The following TTBK2 variants were observed in gnomAD, a reference collection of about 807,000 sequenced individuals.
TTBK2 encodes tau-tubulin kinase 2.
In TTBK2, 28 loss-of-function variants were observed where a neutral mutation model predicts 110.8. That is an observed-to-expected ratio of 0.25 (90% confidence interval 0.19 to 0.35). The LOEUF is 0.35. Among genes scored for constraint, TTBK2 ranks in the 10% least tolerant of loss-of-function variants. The pLI, the probability that TTBK2 is intolerant of heterozygous loss-of-function variation, is 1.00. For missense variants in TTBK2, 1,369 were observed against 1,500.3 expected, an observed-to-expected ratio of 0.91 and a Z score of 1.45; for synonymous variants, 532 against 527.3, an observed-to-expected ratio of 1.01 and a Z score of -0.12.
In TTBK2 at chr15:42,857,769, C is replaced by G. The variant is rs79811470; in HGVS notation, c.217+14842G>C. Among the ~76,000 whole-genome samples, 34 of 151,570 alleles carry G rather than the reference C, an allele frequency of 2.2e-4. No homozygotes were observed. In the East Asian group the frequency reaches 6.6e-3, roughly 29 times the overall value. ...TTTGGCAATGGATAAGTGGCAAAAA[C>G]TTTCTATGCTCTAGTAAGTACAAGT... On this transcript the variant is annotated intron_variant, in intron 3 of 14. Coordinates refer to ENST00000267890, the MANE Select transcript of TTBK2 (RefSeq NM_173500.4).
chr15:42,769,819 T>C (rs1473015747), intron 13 of TTBK2, among the ~76,000 whole-genome samples: 2 of 152,196 alleles, frequency 1.3e-5, no homozygotes, highest in Non-Finnish European at 2.9e-5. Flanking sequence ...TGTATGTTTA[T>C]TGTGGCACTA....
intron 2 of TTBK2, 23 bp from the exon 3 acceptor site, chr15:42,872,781 C>CA (rs1894664764): frequency 1.9e-6 from 3 of 1,613,502 alleles, no homozygotes; most frequent in Middle Eastern, 3.3e-4. Flanking sequence ...TAAGAACACA[C>CA]ACACTCTAAA....
chr15:42,807,946 T>C (rs1259790301), intron 9 of TTBK2, among the ~76,000 whole-genome samples: 5 of 152,210 alleles, frequency 3.3e-5, no homozygotes, highest in Non-Finnish European at 7.3e-5. Flanking sequence ...TAATTAAATT[T>C]GCCTAACATT....
intron 1 of TTBK2, among the ~76,000 whole-genome samples, chr15:42,899,421 C>T (rs1895795230): frequency 6.6e-6 from 1 of 151,674 alleles, no homozygotes; most frequent in African/African-American, 2.4e-5. Context: ...CATGGTGAAA[C>T]CCCATCTCAA....
chr15:42,904,621 C>T (rs984980865), intron 1 of TTBK2, among the ~76,000 whole-genome samples: 1 of 152,032 alleles, frequency 6.6e-6, no homozygotes, highest in Non-Finnish European at 1.5e-5. Flanking sequence ...GGAGATTCAA[C>T]TTGTAAATGT....
chr15:42,783,682 G>A (rs1175089433), intron 10 of TTBK2, 47 bp from the exon 11 acceptor site: 7 of 1,341,364 alleles, frequency 5.2e-6, no homozygotes, highest in South Asian at 2.3e-5. Context: ...AAATTACTAT[G>A]AGACTATCTT....
intron 13 of TTBK2, among the ~76,000 whole-genome samples, chr15:42,767,942 G>A (rs1180079915): frequency 6.6e-6 from 1 of 152,250 alleles, no homozygotes; most frequent in Non-Finnish European, 1.5e-5. Context: ...TCCCTGGGAT[G>A]TAATGCTGGT....
chr15:42,897,626 A>G (rs73413030), intron 1 of TTBK2, among the ~76,000 whole-genome samples: 2,965 of 152,298 alleles, frequency 0.019, 82 homozygotes, highest in African/African-American at 0.066. Flanking sequence ...TTGGAAGGAC[A>G]ATAGCAACAT....
At chr15:42,808,033 T>C (rs916359551) in intron 9 of TTBK2, among the ~76,000 whole-genome samples, 6 of 152,202 alleles carry the variant, frequency 3.9e-5, no homozygotes, top group Non-Finnish European at 2.9e-5. Flanking sequence ...ATTTAAAAGC[T>C]AGTTAGGAAA....
At chr15:42,866,996 G>A (rs1894396400) in intron 3 of TTBK2, among the ~76,000 whole-genome samples, 1 of 152,158 alleles carries the variant, frequency 6.6e-6, no homozygotes, top group East Asian at 1.9e-4. Context: ...TGTAATCCCA[G>A]CACTTTGAGA....
At chr15:42,851,939 A>G (rs1444526633) in intron 3 of TTBK2, among the ~76,000 whole-genome samples, 2 of 152,148 alleles carry the variant, frequency 1.3e-5, no homozygotes, top group Admixed American at 1.3e-4. Flanking sequence ...CACGAACTGG[A>G]TATTAGTTAT....
At chr15:42,799,987 A>G (rs1486892411) in intron 9 of TTBK2, among the ~76,000 whole-genome samples, 1 of 152,026 alleles carries the variant, frequency 6.6e-6, no homozygotes, top group African/African-American at 2.4e-5. Flanking sequence ...GGTCTCAACT[A>G]CTTGGGAGGC....
At position 42,775,464 on chromosome 15, in the gene TTBK2, T is replaced by C. The variant is rs1268780375; in HGVS notation, c.1669A>G (p.Lys557Glu). 1 of 1,614,238 alleles carries C rather than the reference T, an allele frequency of 6.2e-7. No individual in the cohort carries two copies. The highest frequency in any genetic ancestry group is 8.5e-7 in the Non-Finnish European group (1 of 1,180,038). ...CTAAAATCCTGAAGGTCCTGCTCCTTGTCCACAATCACCCATTCTTTGGAA... is the reference window on the plus strand; with the variant it reads ...CTAAAATCCTGAAGGTCCTGCTCCTCGTCCACAATCACCCATTCTTTGGAA... ...IDSKEWVIVD[K>E]EQDLQDFRTN... Residue 557 changes from lysine to glutamate, a missense_variant, in exon 13 of 15, where the codon AAG becomes GAG. By Grantham distance (56) the Lys-to-Glu change is moderately conservative (BLOSUM62 1). Around this residue, in one of 4 missense-constraint regions of TTBK2, gnomAD observed 1,097 missense variants for 1,114.7 expected, o/e 0.98. Coordinates refer to ENST00000267890, the MANE Select transcript of TTBK2 (RefSeq NM_173500.4).
At chr15:42,747,931 T>C (rs368117324) in intron 14 of TTBK2, among the ~76,000 whole-genome samples, 4 of 152,156 alleles carry the variant, frequency 2.6e-5, no homozygotes, top group Non-Finnish European at 5.9e-5. Context: ...TTTAGATCGA[T>C]AGTAAATTTA....
At chr15:42,826,673 T>C (rs958529004) in intron 6 of TTBK2, among the ~76,000 whole-genome samples, 6 of 152,206 alleles carry the variant, frequency 3.9e-5, no homozygotes, top group Non-Finnish European at 5.9e-5. Context: ...ATTTTACTTT[T>C]TATGTTCAGA....
intron 9 of TTBK2, among the ~76,000 whole-genome samples, chr15:42,805,419 C>A (rs951153749): frequency 1.3e-5 from 2 of 152,142 alleles, no homozygotes; most frequent in Non-Finnish European, 2.9e-5. Context: ...AAACTGACAT[C>A]TGAGTTGGGC....
intron 1 of TTBK2, among the ~76,000 whole-genome samples, chr15:42,913,638 A>C (rs1461852500): frequency 7.6e-6 from 1 of 131,490 alleles, no homozygotes; most frequent in African/African-American, 3.8e-5. Context: ...ACTCCGTCTC[A>C]AAAAAAAAAA....
intron 10 of TTBK2, among the ~76,000 whole-genome samples, chr15:42,788,132 C>T (rs886256773): frequency 2.6e-5 from 4 of 151,994 alleles, no homozygotes; most frequent in African/African-American, 9.7e-5. Flanking sequence ...TGCGGTGTAT[C>T]ACTGATTGCG....
chr15:42,748,576 C>T (rs922371641), intron 14 of TTBK2, among the ~76,000 whole-genome samples: 4 of 152,006 alleles, frequency 2.6e-5, no homozygotes, highest in Non-Finnish European at 4.4e-5. Context: ...GTGTAGCACC[C>T]GTGCCTGGCT....
Sources: gnomAD v4.1 joint callset for allele counts (sites outside exome capture counted in the v4.1 genomes callset) on GRCh38, gnomAD v4.1.1 for gene constraint, gnomAD v4.1.1 regional missense constraint, MANE v1.5 for transcripts, NCBI Gene and HGNC (gene_info 2026-07-23, HGNC 2026-07-21) for gene names.